ORC2: variants seen among roughly 807,000 people sequenced by gnomAD.
ORC2 encodes origin recognition complex subunit 2.
ORC2 carries 37 observed loss-of-function variants against 77.7 expected under a neutral mutation model. The observed-to-expected ratio is 0.48, with a 90% CI of 0.37 to 0.63. The LOEUF is 0.63. Ranked by LOEUF, ORC2 falls within the 20% of genes least tolerant of loss-of-function variation. The probability of loss-of-function intolerance (pLI) is 0.00; values close to 1 mark genes in which losing one functional copy is unlikely to be tolerated. For missense variants in ORC2, 557 were observed against 661.9 expected, an observed-to-expected ratio of 0.84 and a Z score of 1.74; for synonymous variants, 201 against 229.5, an observed-to-expected ratio of 0.88 and a Z score of 1.12.
intron 4 of ORC2, among the ~76,000 whole-genome samples, chr2:200,951,158 C>T (rs1230020555): frequency 2.0e-5 from 3 of 152,178 alleles, no homozygotes; most frequent in Non-Finnish European, 2.9e-5. Context: ...CACTTAGTAA[C>T]ATACTTTTAA....
intron 10 of ORC2, among the ~76,000 whole-genome samples, chr2:200,931,896 A>G (rs1240300166): frequency 6.6e-6 from 1 of 152,236 alleles, no homozygotes; most frequent in Non-Finnish European, 1.5e-5. Flanking sequence ...TAAACTGAGG[A>G]AAGTGCATTG....
rs771567231 is a variant in ORC2, at chr2:200,925,935, A to G, written c.1051-3T>C. 1.4e-6 allele frequency: 2 copies of G among 1,432,636 alleles called. No individual in the cohort carries two copies. Among genetic ancestry groups the G allele is most frequent in the East Asian group, 2.3e-5 (1 of 43,452 alleles). The allele number at this position is 1,432,636 out of a possible 1,614,324, so 88.7% of individuals were successfully genotyped here. ...TCTTCTGTTATAGAATTCAGGACCT[A>G]TATCATGAATGTGGAAGAGGTACCA... On this transcript the variant is annotated splice_polypyrimidine_tract_variant and splice_region_variant and intron_variant, in intron 12 of 17. Coordinates refer to ENST00000234296, the MANE Select transcript of ORC2 (RefSeq NM_006190.5).
chr2:200,937,236 A>T (rs2041064130), intron 8 of ORC2, among the ~76,000 whole-genome samples: 1 of 152,190 alleles, frequency 6.6e-6, no homozygotes, highest in Non-Finnish European at 1.5e-5. Flanking sequence ...TGAGGAGAAA[A>T]CATAAGACAT....
At chr2:200,946,445 AACT>A (rs2041251334) in intron 5 of ORC2, among the ~76,000 whole-genome samples, 1 of 152,222 alleles carries the variant, frequency 6.6e-6, no homozygotes, top group Admixed American at 6.5e-5. Context: ...AGAGCATCAT[AACT>A]AAACAAAGAT....
In ORC2 at chr2:200,935,783, G is replaced by T; in HGVS notation, c.624C>A (p.Ser208Arg). The change falls in exon 9 of 18, where the codon AGC (serine) becomes AGA (arginine). Residue 208 changes from serine to arginine, a missense_variant. Transcript: ENST00000234296. ...CTCTATTCTGAGCTTGAATCTTTTG[G>T]CTGAATATGACTGCATTAGTGTCCT... Reference protein sequence around the residue: ...HEEDTNAVIFSQKIQAQNRVV... With the variant: ...HEEDTNAVIFRQKIQAQNRVV... The T allele has an allele frequency of 1.2e-6, 2 of 1,613,884 alleles. No homozygotes were observed. Among genetic ancestry groups the T allele is most frequent in the Non-Finnish European group, 1.7e-6 (2 of 1,179,896 alleles).
intron 6 of ORC2, among the ~76,000 whole-genome samples, chr2:200,942,136 T>C (rs899756541): frequency 2.0e-5 from 3 of 152,094 alleles, no homozygotes; most frequent in Non-Finnish European, 4.4e-5. Flanking sequence ...TGTGCTGTAA[T>C]TGTGCCTGTG....
intron 5 of ORC2, among the ~76,000 whole-genome samples, chr2:200,943,516 CAG>C (rs1380352748): frequency 6.6e-6 from 1 of 152,066 alleles, no homozygotes; most frequent in African/African-American, 2.4e-5. Context: ...AATGAAGAAA[CAG>C]ATTTACCTTT....
chr2:200,929,779 G>C (rs2040906214), intron 11 of ORC2, among the ~76,000 whole-genome samples: 1 of 150,880 alleles, frequency 6.6e-6, no homozygotes, highest in Non-Finnish European at 1.5e-5. Context: ...GAGTGAGACT[G>C]TCTCTTAAAA....
Position 200,910,261 on chromosome 2 carries a change from A to G in ORC2, c.*1040T>C, listed in dbSNP as rs1224511193. On this transcript the variant is annotated 3_prime_UTR_variant, in exon 18 of 18. Transcript: ENST00000234296. ...TTTCAGGGGGTATGTGATGACTGTAAGCTGACAACAGTAGCCAAGGTGAGC... is the reference window on the plus strand; with the variant it reads ...TTTCAGGGGGTATGTGATGACTGTAGGCTGACAACAGTAGCCAAGGTGAGC... 2.0e-5 allele frequency: 3 copies of G among 152,158 alleles called. No individual in the cohort carries two copies. Among genetic ancestry groups the G allele is most frequent in the Non-Finnish European group, 4.4e-5 (3 of 68,032 alleles). 9.4% of individuals were successfully genotyped at this position (152,158 alleles called of 1,614,324 possible). A position where few individuals can be genotyped will look rare whatever the true frequency, so the allele number is the denominator to read the frequency against.
intron 6 of ORC2, 60 bp downstream of exon 6, chr2:200,942,625 C>T (rs1032929262): frequency 5.0e-6 from 4 of 793,366 alleles, no homozygotes; most frequent in Admixed American, 2.8e-5. Flanking sequence ...AAAAAAGTAA[C>T]ATGCTCTATC....
intron 1 of ORC2, chr2:200,962,945 G>A (rs1341911410): frequency 6.6e-6 from 1 of 152,510 alleles, no homozygotes; most frequent in African/African-American, 2.4e-5. Context: ...GCTCCAAGGT[G>A]ACCGATCAGT....
Position 200,942,777 on chromosome 2 carries a change from G to C in ORC2, c.329C>G (p.Ala110Gly), listed in dbSNP as rs1331230447. Residue 110 changes from alanine to glycine, a missense_variant and splice_region_variant, in exon 6 of 18, where the codon GCT becomes GGT. Physicochemically the swap from Ala to Gly is moderately conservative, Grantham distance 60. Transcript: ENST00000234296. ...RKHSEKMAKL[A>G]SELAKTPQKS... ...TTGTGGTGTTTTTGCTAGTTCTGAAGCTGTAAACAAAGAAATATATAAAAA... is the reference window on the plus strand; with the variant it reads ...TTGTGGTGTTTTTGCTAGTTCTGAACCTGTAAACAAAGAAATATATAAAAA... 6.3e-7 allele frequency: 1 copy of C among 1,592,252 alleles called. No individual in the cohort carries two copies. The highest frequency in any genetic ancestry group is 1.3e-5 in the African/African-American group (1 of 74,338).
intron 4 of ORC2, among the ~76,000 whole-genome samples, chr2:200,956,602 T>A (rs2041468988): frequency 6.6e-6 from 1 of 152,036 alleles, no homozygotes; most frequent in Non-Finnish European, 1.5e-5. Context: ...TGTACTGGGA[T>A]CACAGGCGTG....
rs1575189556 is a variant in ORC2, at chr2:200,959,441, C to T, written c.-59-1G>A. On this transcript the variant is annotated splice_acceptor_variant, in intron 1 of 17. Coordinates refer to ENST00000234296, the MANE Select transcript of ORC2 (RefSeq NM_006190.5). LOFTEE classifies it low-confidence loss of function (5UTR_SPLICE). ...AGCTGCAAAATTCAGATACAGTCACCTGTAATTGGAAAAATAACTCAGTCA... is the reference window on the plus strand; with the variant it reads ...AGCTGCAAAATTCAGATACAGTCACTTGTAATTGGAAAAATAACTCAGTCA... 1 of 152,162 alleles carries T rather than the reference C, an allele frequency of 6.6e-6. No homozygotes were observed. Among genetic ancestry groups the T allele is most frequent in the Admixed American group, 6.5e-5 (1 of 15,276 alleles). The allele number at this position is 152,162 out of a possible 1,614,324, so 9.4% of individuals were successfully genotyped here.
intron 7 of ORC2, among the ~76,000 whole-genome samples, chr2:200,940,938 A>G (rs16836104): frequency 0.23 from 34,586 of 152,044 alleles, 4,712 homozygotes; most frequent in African/African-American, 0.38. Context: ...AACATGATAC[A>G]TAAAAGCAAA....
At position 200,953,774 on chromosome 2, in the gene ORC2, A is replaced by G. The variant is rs1030249535; in HGVS notation, c.238+3627T>C. 2.6e-5 allele frequency among the ~76,000 whole-genome samples: 4 copies of G among 152,206 alleles called. No individual in the cohort carries two copies. In the East Asian group the frequency reaches 7.7e-4, roughly 29 times the overall value. On this transcript the variant is annotated intron_variant, in intron 4 of 17. Coordinates refer to ENST00000234296, the MANE Select transcript of ORC2 (RefSeq NM_006190.5). ...GTTACAAATGGTGTGAATGTACCTA[A>G]TGCCACTGAACCCATACACTTTAAA...
chr2:200,914,317 C>G (rs1054873948), intron 15 of ORC2, among the ~76,000 whole-genome samples: 2 of 152,032 alleles, frequency 1.3e-5, no homozygotes, highest in African/African-American at 4.8e-5. Flanking sequence ...AGGTGCCCAC[C>G]ACCATGCCTG....
chr2:200,926,708 GT>G (rs2040843460), intron 12 of ORC2, 59 bp downstream of exon 12: 2 of 1,549,970 alleles, frequency 1.3e-6, no homozygotes, highest in South Asian at 2.2e-5. Context: ...CCTCATTTAT[GT>G]GGGGGCTTGA....
At position 200,957,371 on chromosome 2, in the gene ORC2, A is replaced by AAT. The variant is rs1280496907; in HGVS notation, c.238+29_238+30insAT. 2.0e-6 allele frequency: 3 copies of AAT among 1,512,408 alleles called. No individual in the cohort carries two copies. In the African/African-American group the frequency reaches 4.3e-5, roughly 21 times the overall value. 93.7% of individuals were successfully genotyped at this position (1,512,408 alleles called of 1,614,324 possible). A position where few individuals can be genotyped will look rare whatever the true frequency, so the allele number is the denominator to read the frequency against. ...TAAAGCAATTTCTGCTACTAGCAGA[A>AAT]ACGAGTGTATATTTCACCCCCTCAA... On this transcript the variant is annotated intron_variant, in intron 4 of 17. Transcript: ENST00000234296.
Sources: allele counts gnomAD v4.1 joint callset (sites outside exome capture counted in the v4.1 genomes callset), GRCh38; gene constraint gnomAD v4.1.1; transcripts MANE v1.5; gene names NCBI Gene and HGNC (gene_info 2026-07-23, HGNC 2026-07-21).